TENM3: variants seen among roughly 807,000 people sequenced by gnomAD.
TENM3 encodes the protein teneurin-3.
Under a neutral mutation model 255.1 loss-of-function variants are expected in TENM3, and 63 were observed. The ratio of observed to expected loss-of-function variants is 0.25; its 90% CI spans 0.20 to 0.30. The LOEUF (loss-of-function observed/expected upper bound fraction) is 0.30. Among genes scored for constraint, TENM3 ranks in the 10% least tolerant of loss-of-function variants. The pLI, the probability that TENM3 is intolerant of heterozygous loss-of-function variation, is 1.00. For missense variants in TENM3, 2,929 were observed against 3,461.1 expected, an observed-to-expected ratio of 0.85 and a Z score of 3.86; for synonymous variants, 1,306 against 1,322.3, an observed-to-expected ratio of 0.99 and a Z score of 0.27.
At chr4:182,289,793 T>C (rs1760990253) in intron 1 of TENM3, among the ~76,000 whole-genome samples, 1 of 152,204 alleles carries the variant, frequency 6.6e-6, no homozygotes, top group Non-Finnish European at 1.5e-5. Flanking sequence ...TTTAATGGGA[T>C]GATTTCATTT....
At chr4:182,484,435 C>T (rs1734506874) in intron 3 of TENM3, among the ~76,000 whole-genome samples, 1 of 152,134 alleles carries the variant, frequency 6.6e-6, no homozygotes, top group African/African-American at 2.4e-5. Context: ...TTTTCCCTTT[C>T]ACAGCTGACA....
the TENM3 span, among the ~76,000 whole-genome samples, chr4:181,562,784 C>T: frequency 6.6e-6 from 1 of 151,742 alleles, no homozygotes; most frequent in African/African-American, 2.4e-5. Context: ...AAGTGATTCT[C>T]CTGCCTCAGC....
the TENM3 span, among the ~76,000 whole-genome samples, chr4:182,095,735 A>G: frequency 6.6e-6 from 1 of 150,488 alleles, no homozygotes; most frequent in African/African-American, 2.4e-5. Context: ...AAGTTCCTAA[A>G]ACAAAAAAAA....
At chr4:181,756,012 G>A in the TENM3 span, among the ~76,000 whole-genome samples, 151 of 152,242 alleles carry the variant, frequency 9.9e-4, no homozygotes, top group Middle Eastern at 3.4e-3. Context: ...TGACGATGAC[G>A]TGCCAAATCT....
At chr4:182,722,273 G>A (rs755315807) in intron 13 of TENM3, among the ~76,000 whole-genome samples, 2 of 152,168 alleles carry the variant, frequency 1.3e-5, no homozygotes, top group Non-Finnish European at 2.9e-5. Context: ...GATTAGCATA[G>A]TGTCTGAGGG....
In TENM3 at chr4:182,653,887, G is replaced by A; in HGVS notation, c.1105G>A (p.Asp369Asn). 1 of 1,608,604 alleles carries A rather than the reference G, an allele frequency of 6.2e-7. No individual in the cohort carries two copies. The highest frequency in any genetic ancestry group is 8.5e-7 in the Non-Finnish European group (1 of 1,177,766). Residue 369 changes from aspartate to asparagine, a missense_variant, in exon 6 of 28, where the codon GAC becomes AAC. Physicochemically the swap from Asp to Asn is conservative, Grantham distance 23. This residue lies in a region of TENM3 where 1,608 missense variants were observed against 1,884.4 expected (regional missense o/e 0.85). Transcript: ENST00000511685. ...AAACACTGTGTCATTACCTTCTGGA[G>A]ACAATGGTAAGCGAAAGAATTATGT... Reference protein sequence around the residue: ...PTNTVSLPSGDNGKLGGFTQE... With the variant: ...PTNTVSLPSGNNGKLGGFTQE...
chr4:182,536,218 G>A lies in TENM3; in HGVS notation c.512-64706G>A, dbSNP rs144257689. 9.6e-4 allele frequency among the ~76,000 whole-genome samples: 146 copies of A among 152,342 alleles called. 1 individual carries two copies. In the East Asian group the frequency reaches 0.025, roughly 26 times the overall value. Reference sequence around the variant, plus strand: ...GATCAAGTTTGTAACTTGCAATTATGTTGGGGCAACCAGTGTCAACTGGCA... The same window carrying A: ...GATCAAGTTTGTAACTTGCAATTATATTGGGGCAACCAGTGTCAACTGGCA... On this transcript the variant is annotated intron_variant, in intron 3 of 27. Transcript: ENST00000511685.
chr4:182,160,359 G>T (rs1751058899), intron 1 of TENM3, among the ~76,000 whole-genome samples: 1 of 152,114 alleles, frequency 6.6e-6, no homozygotes, highest in Admixed American at 6.6e-5. Context: ...CCACATTACG[G>T]TTAGAATGAC....
At chr4:182,155,999 A>T (rs1264903185) in intron 1 of TENM3, among the ~76,000 whole-genome samples, 2 of 144,590 alleles carry the variant, frequency 1.4e-5, no homozygotes, top group African/African-American at 5.1e-5. Context: ...CTGTCTCCAC[A>T]GCTGTTTGAG....
the TENM3 span, among the ~76,000 whole-genome samples, chr4:181,611,311 T>G: frequency 3.1e-4 from 47 of 152,328 alleles, no homozygotes; most frequent in East Asian, 8.5e-3. Context: ...CAGACAATCC[T>G]CAGGCACATT....
chr4:182,320,255 T>G (rs1237638076), intron 1 of TENM3, among the ~76,000 whole-genome samples: 1 of 152,202 alleles, frequency 6.6e-6, no homozygotes, highest in African/African-American at 2.4e-5. Context: ...GTGGCTGCAG[T>G]GAGAAATGAC....
chr4:182,162,678 T>G (rs1385487694), intron 1 of TENM3, among the ~76,000 whole-genome samples: 1 of 152,178 alleles, frequency 6.6e-6, no homozygotes, highest in African/African-American at 2.4e-5. Context: ...GCTGGCAGAC[T>G]CAGTGTTCCA....
At chr4:182,784,399 C>T (rs1474377488) in intron 24 of TENM3, among the ~76,000 whole-genome samples, 1 of 151,840 alleles carries the variant, frequency 6.6e-6, no homozygotes, top group African/African-American at 2.4e-5. Flanking sequence ...CTTGAGGAGG[C>T]ACTCTGCCAG....
At chr4:181,912,531 TAA>T in the TENM3 span, among the ~76,000 whole-genome samples, 1 of 152,094 alleles carries the variant, frequency 6.6e-6, no homozygotes, top group African/African-American at 2.4e-5. Context: ...CTCATGCTTG[TAA>T]TCCCAACACT....
At chr4:181,633,756 T>G in the TENM3 span, among the ~76,000 whole-genome samples, 26 of 152,282 alleles carry the variant, frequency 1.7e-4, no homozygotes, top group South Asian at 5.2e-3. Context: ...GAAATGGGTT[T>G]TGGGAATTTA....
chr4:181,538,430 T>C, the TENM3 span, among the ~76,000 whole-genome samples: 5 of 151,768 alleles, frequency 3.3e-5, no homozygotes, highest in Admixed American at 1.3e-4. Context: ...ATGCAATGAA[T>C]ACTGGAGTAC....
chr4:182,154,574 A>G (rs757587492), intron 1 of TENM3, among the ~76,000 whole-genome samples: 1 of 152,188 alleles, frequency 6.6e-6, no homozygotes. Context: ...CAGATTATCT[A>G]TTGAAGAATG....
At chr4:182,454,397 C>T (rs1271694384) in intron 3 of TENM3, among the ~76,000 whole-genome samples, 1 of 152,130 alleles carries the variant, frequency 6.6e-6, no homozygotes, top group Non-Finnish European at 1.5e-5. Flanking sequence ...AATACCCCTT[C>T]ATTAAAAATG....
chr4:182,572,537 C>A (rs538441069), intron 3 of TENM3, among the ~76,000 whole-genome samples: 1 of 152,262 alleles, frequency 6.6e-6, no homozygotes, highest in Non-Finnish European at 1.5e-5. Context: ...AATTCCACAG[C>A]GGAGTTGATC....
Sources: gnomAD v4.1 joint callset for allele counts (sites outside exome capture counted in the v4.1 genomes callset) on GRCh38, gnomAD v4.1.1 for gene constraint, gnomAD v4.1.1 regional missense constraint, MANE v1.5 for transcripts, NCBI Gene and HGNC (gene_info 2026-07-23, HGNC 2026-07-21) for gene names.